PCTP: variants seen among roughly 807,000 people sequenced by gnomAD.
The protein encoded by PCTP is phosphatidylcholine transfer protein, also known as START domain-containing protein 2.
A neutral mutation model predicts 31.0 loss-of-function variants in PCTP; 27 were observed. The observed-to-expected ratio is 0.87, with a 90% confidence interval of 0.64 to 1.20. PCTP has a LOEUF of 1.20. Ranked by LOEUF, PCTP falls within the 50% of genes most tolerant of loss-of-function variation. The probability of loss-of-function intolerance (pLI) is 0.00; values close to 1 mark genes in which losing one functional copy is unlikely to be tolerated. For missense variants in PCTP, 287 were observed against 268.2 expected (o/e 1.07, Z -0.49); for synonymous variants, 108 against 101.2 (o/e 1.07, Z -0.40).
chr17:55,814,523 A>G (rs1250068948), intron 3 of PCTP, among the ~76,000 whole-genome samples: 3 of 152,248 alleles, frequency 2.0e-5, no homozygotes, highest in Non-Finnish European at 4.4e-5. Flanking sequence ...GGGGGAAAGA[A>G]ATGCTTCACA....
chr17:55,763,734 A>G (rs1001343234), intron 1 of PCTP, among the ~76,000 whole-genome samples: 5 of 152,166 alleles, frequency 3.3e-5, no homozygotes, highest in African/African-American at 4.8e-5. Context: ...CCTTTTAAAA[A>G]TTCTTTTTGT....
downstream of PCTP, among the ~76,000 whole-genome samples, chr17:55,844,451 A>T (rs925921675): frequency 6.6e-6 from 1 of 152,112 alleles, no homozygotes; most frequent in Admixed American, 6.5e-5. Flanking sequence ...TCGCCAATCT[A>T]TTGAACTAAT....
intron 1 of PCTP, among the ~76,000 whole-genome samples, chr17:55,766,559 A>G (rs1034927983): frequency 7.9e-5 from 12 of 151,430 alleles, no homozygotes; most frequent in African/African-American, 2.4e-4. Flanking sequence ...ATGATTTCCA[A>G]TTTCATCCAT....
rs186207666 is a variant in PCTP, at chr17:55,761,243, G to A, written c.142-6092G>A. ...TTACATGAGAGAATGAATATAAAACGTTGGAAAGTGGACCATGCTTAGAAA... is the reference window on the plus strand; with the variant it reads ...TTACATGAGAGAATGAATATAAAACATTGGAAAGTGGACCATGCTTAGAAA... On this transcript the variant is annotated intron_variant, in intron 1 of 5. Transcript: ENST00000268896. 2.9e-3 allele frequency among the ~76,000 whole-genome samples: 448 copies of A among 152,210 alleles called. 2 individuals carry two copies. Among genetic ancestry groups the A allele is most frequent in the Admixed American group, 4.9e-3 (75 of 15,286 alleles).
intron 3 of PCTP, among the ~76,000 whole-genome samples, chr17:55,798,766 A>C (rs1032208942): frequency 3.3e-5 from 5 of 151,922 alleles, no homozygotes. Context: ...ATGATTCCAG[A>C]TGAAAAAAGA....
At chr17:55,816,695 T>C (rs1912927386) in intron 3 of PCTP, among the ~76,000 whole-genome samples, 1 of 152,150 alleles carries the variant, frequency 6.6e-6, no homozygotes, top group Non-Finnish European at 1.5e-5. Context: ...CGCCATCAGC[T>C]CAACAAATCA....
chr17:55,785,308 G>T (rs1038636246), intron 2 of PCTP, among the ~76,000 whole-genome samples: 17 of 152,204 alleles, frequency 1.1e-4, no homozygotes, highest in Non-Finnish European at 1.8e-4. Flanking sequence ...TCAGCAGTTT[G>T]GGAGGAACTA....
intron 3 of PCTP, among the ~76,000 whole-genome samples, chr17:55,814,107 A>G (rs1469051293): frequency 6.6e-6 from 1 of 152,134 alleles, no homozygotes; most frequent in Non-Finnish European, 1.5e-5. Context: ...CGTCGATTAC[A>G]AAGCCTATTG....
intron 1 of PCTP, among the ~76,000 whole-genome samples, chr17:55,764,731 T>G (rs1910545525): frequency 6.6e-6 from 1 of 152,202 alleles, no homozygotes; most frequent in Non-Finnish European, 1.5e-5. Context: ...TTCAGCATGT[T>G]TATTCCTTGA....
chr17:55,776,161 T>C lies in PCTP; in HGVS notation c.*61T>C. ...TGTCTCTGGAAGTGCAACCACCCAA[T>C]GTCTCTGGAAGTGCCACCTGGAAGT... On this transcript the variant is annotated 3_prime_UTR_variant, in exon 6 of 6. Coordinates refer to ENST00000268896, the MANE Select transcript of PCTP (RefSeq NM_021213.4). The C allele has an allele frequency of 6.2e-7, 1 of 1,600,872 alleles. No individual in the cohort carries two copies. Among genetic ancestry groups the C allele is most frequent in the Non-Finnish European group, 8.5e-7 (1 of 1,173,608 alleles).
intron 1 of PCTP, among the ~76,000 whole-genome samples, chr17:55,762,656 T>G (rs1321928913): frequency 6.6e-6 from 1 of 152,154 alleles, no homozygotes; most frequent in African/African-American, 2.4e-5. Context: ...TGTCATTGAT[T>G]TAGCATTCAG....
intron 3 of PCTP, among the ~76,000 whole-genome samples, chr17:55,804,304 G>A (rs951189020): frequency 1.3e-5 from 2 of 152,168 alleles, no homozygotes; most frequent in Non-Finnish European, 2.9e-5. Context: ...AAGACAGTGT[G>A]GCAATTCCTC....
intron 2 of PCTP, chr17:55,769,772 C>G (rs970117488): frequency 1.3e-5 from 2 of 152,288 alleles, no homozygotes; most frequent in Admixed American, 6.5e-5. Context: ...ATGGCCGTGT[C>G]TTGCTCATTT....
chr17:55,833,833 T>C (rs547782609), intron 5 of PCTP, among the ~76,000 whole-genome samples: 1 of 152,374 alleles, frequency 6.6e-6, no homozygotes, highest in South Asian at 2.1e-4. Flanking sequence ...CTTAGTTTCA[T>C]ATCCTTGGAT....
chr17:55,836,623 G>C (rs2145086854), intron 5 of PCTP, among the ~76,000 whole-genome samples: 2 of 152,258 alleles, frequency 1.3e-5, no homozygotes, highest in Middle Eastern at 6.8e-3. Flanking sequence ...GTTCTTCCCG[G>C]GCCTAGGGCT....
rs2145001288 is a variant in PCTP at position 55,789,250 on chromosome 17, T to C, written c.317+1596T>C. 1.3e-5 allele frequency among the ~76,000 whole-genome samples: 2 copies of C among 152,330 alleles called. 1 individual carries two copies. Among genetic ancestry groups the C allele is most frequent in the African/African-American group, 4.8e-5 (2 of 41,582 alleles). ...AAGTGGTGAGTACCCATTTATGCTT[T>C]TCTCTTTCCTCTTTGAAAAATAAAA... On this transcript the variant is annotated intron_variant, in intron 3 of 3. Transcript: ENST00000572536.
intron 5 of PCTP, among the ~76,000 whole-genome samples, chr17:55,835,726 C>T (rs1319562598): frequency 3.3e-5 from 5 of 152,182 alleles, no homozygotes; most frequent in Non-Finnish European, 5.9e-5. Flanking sequence ...CCCCATCAGG[C>T]TCTCCTGTCT....
chr17:55,762,930 T>C (rs1324846280), intron 1 of PCTP, among the ~76,000 whole-genome samples: 2 of 152,258 alleles, frequency 1.3e-5, no homozygotes, highest in Non-Finnish European at 1.5e-5. Context: ...TGATACTGGC[T>C]AATTCTCTAC....
chr17:55,773,618 C>A, intron 3 of PCTP, 106 bp from the exon 4 acceptor site: 1 of 1,106,078 alleles, frequency 9.0e-7, no homozygotes, highest in Non-Finnish European at 1.3e-6. Context: ...GAGCAAATGC[C>A]AAGTGGGAGG....
Sources: gnomAD v4.1 joint callset for allele counts (sites outside exome capture counted in the v4.1 genomes callset) on GRCh38, gnomAD v4.1.1 for gene constraint, MANE v1.5 for transcripts, NCBI Gene and HGNC (gene_info 2026-07-23, HGNC 2026-07-21) for gene names.